The following RNGTT variants were observed in gnomAD, a reference collection of about 807,000 sequenced individuals.
RNGTT encodes the protein mRNA-capping enzyme.
RNGTT carries 33 observed loss-of-function variants against 79.3 expected under a neutral mutation model. The observed-to-expected ratio is 0.42, with a 90% confidence interval of 0.32 to 0.56. The LOEUF is 0.56. Among genes scored for constraint, RNGTT ranks in the 20% least tolerant of loss-of-function variants. The probability of loss-of-function intolerance (pLI) is 0.17; values close to 1 mark genes in which losing one functional copy is unlikely to be tolerated. For missense variants in RNGTT, 497 were observed against 739.1 expected (o/e 0.67, Z 3.80); for synonymous variants, 222 against 235.9 (o/e 0.94, Z 0.54).
At chr6:88,891,228 G>A (rs1246064963) in intron 7 of RNGTT, among the ~76,000 whole-genome samples, 1 of 151,844 alleles carries the variant, frequency 6.6e-6, no homozygotes, top group African/African-American at 2.4e-5. Context: ...CTTTTCATTA[G>A]GAATTTATAT....
intron 11 of RNGTT, among the ~76,000 whole-genome samples, chr6:88,809,108 A>G (rs1276661106): frequency 6.6e-6 from 1 of 152,210 alleles, no homozygotes; most frequent in African/African-American, 2.4e-5. Context: ...TATTAATATA[A>G]GACAATGAGA....
intron 1 of RNGTT, among the ~76,000 whole-genome samples, chr6:88,941,806 A>G (rs1784857160): frequency 6.6e-6 from 1 of 152,188 alleles, no homozygotes; most frequent in Non-Finnish European, 1.5e-5. Flanking sequence ...AATTATAAAA[A>G]TTGACAATCA....
chr6:88,694,404 G>A (rs541489399), intron 13 of RNGTT, among the ~76,000 whole-genome samples: 2 of 151,896 alleles, frequency 1.3e-5, no homozygotes, highest in African/African-American at 4.8e-5. Context: ...AAAGTGAAAG[G>A]CCTACACACG....
At chr6:88,731,472 A>T (rs891088636) in intron 13 of RNGTT, among the ~76,000 whole-genome samples, 1 of 152,214 alleles carries the variant, frequency 6.6e-6, no homozygotes, top group Admixed American at 6.5e-5. Flanking sequence ...AGTGATTTTA[A>T]AGTAACAACA....
rs187306654 is a variant in RNGTT, at chr6:88,909,142, C to T, written c.368-2702G>A. Among the ~76,000 whole-genome samples the T allele has an allele frequency of 7.2e-5, 11 of 152,318 alleles. No homozygotes were observed. In the East Asian group the frequency reaches 2.1e-3, roughly 29 times the overall value. ...GTCCAGGATGGGTGTGGCCTGACAG[C>T]CAGCCAAGGTTTCTTCCCCAGGAAG... On this transcript the variant is annotated intron_variant, in intron 4 of 15. Transcript: ENST00000369485.
rs1381857494 is a variant in RNGTT, at chr6:88,610,426, C to T, written c.*2293G>A. The T allele has an allele frequency of 6.6e-6, 1 of 152,566 alleles. No homozygotes were observed. The highest frequency in any genetic ancestry group is 1.5e-5 in the Non-Finnish European group (1 of 68,028). 9.5% of individuals were successfully genotyped at this position (152,566 alleles called of 1,614,324 possible). A position where few individuals can be genotyped will look rare whatever the true frequency, so the allele number is the denominator to read the frequency against. ...TCCTAACAAAAAGCAAAAGCTTTCACATGTGATAACTGAAGAAAGCAAAGT... is the reference window on the plus strand; with the variant it reads ...TCCTAACAAAAAGCAAAAGCTTTCATATGTGATAACTGAAGAAAGCAAAGT... On this transcript the variant is annotated 3_prime_UTR_variant, in exon 16 of 16. Coordinates refer to ENST00000369485, the MANE Select transcript of RNGTT (RefSeq NM_003800.5).
intron 14 of RNGTT, among the ~76,000 whole-genome samples, chr6:88,655,003 T>A (rs1316332367): frequency 6.6e-6 from 1 of 152,196 alleles, no homozygotes; most frequent in Non-Finnish European, 1.5e-5. Flanking sequence ...AGTTTGGAAG[T>A]CATCGAACTA....
rs868361602 is a variant in RNGTT, at chr6:88,948,526, G to A, written c.65-7346C>T. Among the ~76,000 whole-genome samples, 64 of 148,920 alleles carry A rather than the reference G, an allele frequency of 4.3e-4. No homozygotes were observed. The South Asian group carries it at 6.8e-3, about 16-fold the overall frequency. On this transcript the variant is annotated intron_variant, in intron 1 of 15. Coordinates refer to ENST00000369485, the MANE Select transcript of RNGTT (RefSeq NM_003800.5). Reference sequence around the variant, plus strand: ...CCCCGCCCGGCCGGCCGCCCCGTCCGGGAGGTGAGGGGCGCCTCTGCCCAG... The same window carrying A: ...CCCCGCCCGGCCGGCCGCCCCGTCCAGGAGGTGAGGGGCGCCTCTGCCCAG...
chr6:88,657,075 C>A (rs540400541), intron 14 of RNGTT, among the ~76,000 whole-genome samples: 13 of 152,314 alleles, frequency 8.5e-5, no homozygotes, highest in African/African-American at 3.1e-4. Context: ...AAGACTCACA[C>A]TGTGAACTCT....
intron 2 of RNGTT, among the ~76,000 whole-genome samples, chr6:88,929,815 T>C (rs564644246): frequency 2.2e-4 from 33 of 151,664 alleles, no homozygotes; most frequent in African/African-American, 6.0e-4. Context: ...TATATATATA[T>C]ACATACATAT....
intron 1 of RNGTT, among the ~76,000 whole-genome samples, chr6:88,953,426 GA>G (rs1785323352): frequency 6.6e-6 from 1 of 151,710 alleles, no homozygotes; most frequent in African/African-American, 2.4e-5. Context: ...CAAAAACAAA[GA>G]AAAAAAATTT....
intron 1 of RNGTT, among the ~76,000 whole-genome samples, chr6:88,953,433 A>C (rs1022847742): frequency 2.6e-5 from 4 of 152,172 alleles, no homozygotes; most frequent in African/African-American, 9.6e-5. Flanking sequence ...AAAGAAAAAA[A>C]ATTTTAAAAA....
At chr6:88,835,488 C>A (rs779675570) in intron 11 of RNGTT, among the ~76,000 whole-genome samples, 7 of 151,948 alleles carry the variant, frequency 4.6e-5, no homozygotes, top group Non-Finnish European at 8.8e-5. Flanking sequence ...GCCAATTGGG[C>A]AGAAAAATAG....
intron 12 of RNGTT, among the ~76,000 whole-genome samples, chr6:88,786,203 T>C (rs1366119975): frequency 1.3e-5 from 2 of 152,156 alleles, no homozygotes; most frequent in Non-Finnish European, 2.9e-5. Flanking sequence ...TCTAGAAACA[T>C]AGTTTCTCCA....
intron 14 of RNGTT, among the ~76,000 whole-genome samples, chr6:88,668,763 C>A (rs1186327882): frequency 6.6e-6 from 1 of 151,832 alleles, no homozygotes; most frequent in Non-Finnish European, 1.5e-5. Context: ...AATACCAGAA[C>A]AGAAGAAAAA....
intron 13 of RNGTT, among the ~76,000 whole-genome samples, chr6:88,764,147 A>G (rs6918005): frequency 0.14 from 21,087 of 152,072 alleles, 1,602 homozygotes; most frequent in Middle Eastern, 0.24. Flanking sequence ...TCATTTCTTC[A>G]TTACCCCAGT....
chr6:88,905,628 A>C (rs923081245), intron 5 of RNGTT, among the ~76,000 whole-genome samples: 2 of 152,256 alleles, frequency 1.3e-5, no homozygotes, highest in African/African-American at 4.8e-5. Flanking sequence ...TTGGGTACTA[A>C]AGTCGTAATC....
At chr6:88,908,011 G>A (rs1226883679) in intron 4 of RNGTT, among the ~76,000 whole-genome samples, 1 of 152,034 alleles carries the variant, frequency 6.6e-6, no homozygotes, top group East Asian at 1.9e-4. Context: ...TGGGATTACA[G>A]GCATGAGCCA....
At position 88,610,829 on chromosome 6, in the gene RNGTT, T is replaced by C. The variant is rs1323325123; in HGVS notation, c.*1890A>G. Reference sequence around the variant, plus strand: ...CCATTAAAGATCATTGGCAAAAGCTTGCTTTCGTATCTGCAAAAGGGCTCT... The same window carrying C: ...CCATTAAAGATCATTGGCAAAAGCTCGCTTTCGTATCTGCAAAAGGGCTCT... On this transcript the variant is annotated 3_prime_UTR_variant, in exon 16 of 16. Coordinates refer to ENST00000369485, the MANE Select transcript of RNGTT (RefSeq NM_003800.5). 1 of 152,250 alleles carries C rather than the reference T, an allele frequency of 6.6e-6. No homozygotes were observed. The highest frequency in any genetic ancestry group is 1.5e-5 in the Non-Finnish European group (1 of 68,044). 9.4% of individuals were successfully genotyped at this position (152,250 alleles called of 1,614,324 possible).
Sources: allele counts gnomAD v4.1 joint callset (sites outside exome capture counted in the v4.1 genomes callset), GRCh38; gene constraint gnomAD v4.1.1; transcripts MANE v1.5; gene names NCBI Gene and HGNC (gene_info 2026-07-23, HGNC 2026-07-21).